EFEMP1: variants seen among roughly 807,000 people sequenced by gnomAD.
The protein encoded by EFEMP1 is EGF-containing fibulin-like extracellular matrix protein 1.
Under a neutral mutation model 65.7 loss-of-function variants are expected in EFEMP1, and 18 were observed. The observed-to-expected ratio is 0.27, with a 90% CI of 0.19 to 0.41. The LOEUF (loss-of-function observed/expected upper bound fraction) is 0.41. EFEMP1 is among the 10% of genes least tolerant of loss of function. The pLI is 1.00. For synonymous variants in EFEMP1, 237 were observed against 219.7 expected, an observed-to-expected ratio of 1.08 and a Z score of -0.70; for missense variants, 469 against 624.8, an observed-to-expected ratio of 0.75 and a Z score of 2.66.
At chr2:55,896,778 A>C (rs1669843497) in intron 5 of EFEMP1, among the ~76,000 whole-genome samples, 1 of 152,218 alleles carries the variant, frequency 6.6e-6, no homozygotes, top group Non-Finnish European at 1.5e-5. Flanking sequence ...TTGCATACAC[A>C]AGTTTCAGAC....
At chr2:55,874,823 A>G (rs887674226) in intron 9 of EFEMP1, 123 bp downstream of exon 9, 20 of 1,055,902 alleles carry the variant, frequency 1.9e-5, no homozygotes, top group Non-Finnish European at 2.5e-5. Flanking sequence ...AGGGGAAAAA[A>G]GAGCTTAAAT....
chr2:55,918,102 A>G lies in EFEMP1; in HGVS notation c.131-51T>C, dbSNP rs184278097. 136 of 1,613,822 alleles carry G rather than the reference A, an allele frequency of 8.4e-5. 1 individual carries two copies. In the East Asian group the frequency reaches 2.9e-3, roughly 34 times the overall value. On this transcript the variant is annotated intron_variant, in intron 4 of 11. Coordinates refer to ENST00000355426, the MANE Select transcript of EFEMP1 (RefSeq NM_001039348.3). ...GGAATCTTCTAAGAGGGAAAAATCAAACATGTAAATATAATGCTCATGCCT... is the reference window on the plus strand; with the variant it reads ...GGAATCTTCTAAGAGGGAAAAATCAGACATGTAAATATAATGCTCATGCCT...
rs1669236924 is a variant in EFEMP1, at chr2:55,881,479, T to C, written c.640+133A>G. The C allele has an allele frequency of 9.0e-6, 10 of 1,111,824 alleles. No homozygotes were observed. The South Asian group carries it at 9.3e-5, about 10-fold the overall frequency. 68.9% of individuals were successfully genotyped at this position (1,111,824 alleles called of 1,614,324 possible). ...CTTGTTATTGTGGAAAATGGATTGG[T>C]AGTCTATAAAAAAATAAGGAATTAT... is the stretch of plus-strand genomic sequence containing the variant. On this transcript the variant is annotated intron_variant, in intron 6 of 11. Transcript: ENST00000355426.
chr2:55,897,360 C>G (rs1669867373), intron 5 of EFEMP1, among the ~76,000 whole-genome samples: 1 of 150,064 alleles, frequency 6.7e-6, no homozygotes, highest in African/African-American at 2.5e-5. Flanking sequence ...ATCAATTTTT[C>G]CCCGATCTTA....
In EFEMP1 at chr2:55,921,691, A is replaced by G. The variant is rs1024842406; in HGVS notation, c.81+669T>C. Among the ~76,000 whole-genome samples the G allele has an allele frequency of 6.6e-5, 10 of 152,216 alleles. No homozygotes were observed. The highest frequency in any genetic ancestry group is 2.4e-4 in the African/African-American group (10 of 41,454). ...TTTAATATTTTATTAAACATTGGTTACACCTATGCAACTAACTAATCAAAT... is the reference window on the plus strand; with the variant it reads ...TTTAATATTTTATTAAACATTGGTTGCACCTATGCAACTAACTAATCAAAT... On this transcript the variant is annotated intron_variant, in intron 3 of 11. Transcript: ENST00000355426. The surrounding 1 kb of genome is among the most constrained non-coding windows in gnomAD (Gnocchi z 4.1).
intron 5 of EFEMP1, among the ~76,000 whole-genome samples, chr2:55,889,818 G>T (rs1326077735): frequency 1.8e-5 from 2 of 110,992 alleles, no homozygotes; most frequent in Non-Finnish European, 3.7e-5. Flanking sequence ...AACAATAAAG[G>T]AATGGTAAAA....
chr2:55,889,824 TA>T (rs3048101), intron 5 of EFEMP1, among the ~76,000 whole-genome samples: 10,758 of 142,318 alleles, frequency 0.076, 500 homozygotes, highest in African/African-American at 0.13. Flanking sequence ...AAAGGAATGG[TA>T]AAAAAAAAAA....
rs192467647 is a variant in EFEMP1 at position 55,881,606 on chromosome 2, A to G, written c.640+6T>C. 114 of 1,613,428 alleles carry G rather than the reference A, an allele frequency of 7.1e-5. No individual in the cohort carries two copies. In the African/African-American group the frequency reaches 1.4e-3, roughly 20 times the overall value. ...AGGACCGTGCTCACTGCACTGTGGT[A>G]CTTACCTACGCACTGCTCCCCTCGC... On this transcript the variant is annotated splice_donor_region_variant and intron_variant, in intron 6 of 11. Coordinates refer to ENST00000355426, the MANE Select transcript of EFEMP1 (RefSeq NM_001039348.3).
intron 5 of EFEMP1, among the ~76,000 whole-genome samples, chr2:55,889,655 A>G (rs540378298): frequency 6.6e-6 from 1 of 152,322 alleles, no homozygotes; most frequent in East Asian, 1.9e-4. Flanking sequence ...TAGAATTAAA[A>G]TACATGAGAA....
chr2:55,901,638 T>C (rs1670037211), intron 5 of EFEMP1, among the ~76,000 whole-genome samples: 3 of 152,202 alleles, frequency 2.0e-5, no homozygotes, highest in Admixed American at 2.0e-4. Context: ...TTTAAAATTC[T>C]AGGTTTAACT....
At chr2:55,914,271 C>T (rs1236330099) in intron 5 of EFEMP1, among the ~76,000 whole-genome samples, 2 of 152,170 alleles carry the variant, frequency 1.3e-5, no homozygotes, top group Non-Finnish European at 2.9e-5. Flanking sequence ...CCCAGCGTTA[C>T]TGGCTCCCAC....
intron 5 of EFEMP1, among the ~76,000 whole-genome samples, chr2:55,902,258 C>G (rs1670066101): frequency 6.6e-6 from 1 of 152,238 alleles, no homozygotes; most frequent in Non-Finnish European, 1.5e-5. Flanking sequence ...TCAGGCAAGA[C>G]TCATGGCTTT....
At chr2:55,890,207 A>G (rs1669581369) in intron 5 of EFEMP1, among the ~76,000 whole-genome samples, 2 of 151,996 alleles carry the variant, frequency 1.3e-5, no homozygotes, top group South Asian at 2.1e-4. Context: ...GACTTTATGG[A>G]AAAAAAAGAT....
At position 55,919,337 on chromosome 2, in the gene EFEMP1, C is replaced by T. The variant is rs1231040471; in HGVS notation, c.82-1070G>A. ...TTGTGTCTAAGGATCATTCAGGGTT[C>T]TTGTTAAAATGAAGATTCCTGGGCC... On this transcript the variant is annotated intron_variant, in intron 3 of 11. Transcript: ENST00000355426. The surrounding 1 kb of genome is among the most constrained non-coding windows in gnomAD (Gnocchi z 4.5). Among the ~76,000 whole-genome samples, 2 of 152,290 alleles carry T rather than the reference C, an allele frequency of 1.3e-5. No individual in the cohort carries two copies. Among genetic ancestry groups the T allele is most frequent in the African/African-American group, 4.8e-5 (2 of 41,562 alleles).
chr2:55,891,414 C>G (rs563180783), intron 5 of EFEMP1, among the ~76,000 whole-genome samples: 1 of 152,144 alleles, frequency 6.6e-6, no homozygotes, highest in South Asian at 2.1e-4. Context: ...TTGTACTGTA[C>G]AGTCAACTTT....
chr2:55,911,482 A>T (rs1297925927), intron 5 of EFEMP1, among the ~76,000 whole-genome samples: 1 of 151,932 alleles, frequency 6.6e-6, no homozygotes, highest in Non-Finnish European at 1.5e-5. Context: ...TTATATAACT[A>T]TATGTAGTTA....
In EFEMP1 at chr2:55,919,539, G is replaced by A. The variant is rs1208071585; in HGVS notation, c.82-1272C>T. The stretch of plus-strand genomic sequence containing the variant: ...AGCTCAGGAAACAATCTGATCAGAC[G>A]CTCATTTGAGAAAGTCACTGTAAGG... On this transcript the variant is annotated intron_variant, in intron 3 of 11. Transcript: ENST00000355426. The surrounding 1 kb of genome is among the most constrained non-coding windows in gnomAD (Gnocchi z 4.5). Among the ~76,000 whole-genome samples the A allele has an allele frequency of 1.3e-5, 2 of 152,194 alleles. No homozygotes were observed. Among genetic ancestry groups the A allele is most frequent in the East Asian group, 1.9e-4 (1 of 5,190 alleles).
chr2:55,901,221 G>A (rs929600757), intron 5 of EFEMP1, among the ~76,000 whole-genome samples: 1 of 152,168 alleles, frequency 6.6e-6, no homozygotes, highest in Non-Finnish European at 1.5e-5. Flanking sequence ...AGGACAAAAG[G>A]TAACATAAAG....
chr2:55,879,045 T>C (rs1043550672), intron 6 of EFEMP1, among the ~76,000 whole-genome samples: 1 of 152,194 alleles, frequency 6.6e-6, no homozygotes, highest in Non-Finnish European at 1.5e-5. Context: ...TTCCCACCAA[T>C]ATCAAATAGG....
Sources: gnomAD v4.1 joint callset for allele counts (sites outside exome capture counted in the v4.1 genomes callset) on GRCh38, gnomAD v4.1.1 for gene constraint, Gnocchi (gnomAD v3.1) non-coding constraint, MANE v1.5 for transcripts, NCBI Gene and HGNC (gene_info 2026-07-23, HGNC 2026-07-21) for gene names.